The following CLASP2 variants were observed in gnomAD, a reference collection of about 807,000 sequenced individuals.
CLASP2 encodes the protein CLIP-associating protein 2.
Under a neutral mutation model 194.4 loss-of-function variants are expected in CLASP2, and 47 were observed. That is an observed-to-expected ratio of 0.24 (90% CI 0.19 to 0.31). The LOEUF (loss-of-function observed/expected upper bound fraction) is 0.31, where lower values mean the gene tolerates loss of function less well. Among genes scored for constraint, CLASP2 ranks in the 10% least tolerant of loss-of-function variants. CLASP2 has a pLI of 1.00. For synonymous variants in CLASP2, 619 were observed against 633.5 expected, an observed-to-expected ratio of 0.98 and a Z score of 0.34; for missense variants, 1,445 against 1,823.6, an observed-to-expected ratio of 0.79 and a Z score of 3.78.
intron 31 of CLASP2, among the ~76,000 whole-genome samples, chr3:33,543,822 C>G (rs2058742887): frequency 6.6e-6 from 1 of 152,146 alleles, no homozygotes; most frequent in Non-Finnish European, 1.5e-5. Flanking sequence ...AAATTAGCTT[C>G]CTGTTCTGAG....
chr3:33,522,569 G>A (rs2053425721), intron 34 of CLASP2, among the ~76,000 whole-genome samples: 1 of 152,070 alleles, frequency 6.6e-6, no homozygotes, highest in African/African-American at 2.4e-5. Context: ...TAAATAAACA[G>A]AAACTGCCCT....
intron 3 of CLASP2, among the ~76,000 whole-genome samples, chr3:33,688,891 T>C (rs1361108422): frequency 6.6e-6 from 1 of 152,144 alleles, no homozygotes; most frequent in Non-Finnish European, 1.5e-5. Context: ...TACCACACTT[T>C]TCTGTTAGAA....
intron 1 of CLASP2, among the ~76,000 whole-genome samples, chr3:33,701,531 A>C (rs1194751719): frequency 6.6e-6 from 1 of 152,198 alleles, no homozygotes; most frequent in Non-Finnish European, 1.5e-5. Flanking sequence ...AAAAGTTTGA[A>C]GCTGTAGTGA....
chr3:33,551,544 C>T, intron 29 of CLASP2, 149 bp from the exon 30 acceptor site: 3 of 718,810 alleles, frequency 4.2e-6, no homozygotes, highest in Non-Finnish European at 6.5e-6. Flanking sequence ...GTCTTGCGCT[C>T]CTGGCCTCAA....
intron 7 of CLASP2, among the ~76,000 whole-genome samples, chr3:33,651,041 T>A (rs145993074): frequency 6.6e-6 from 1 of 152,188 alleles, no homozygotes; most frequent in Admixed American, 6.5e-5. Flanking sequence ...TGAACTGATA[T>A]GAGGCTATTT....
At chr3:33,538,067 G>C (rs886518453) in intron 33 of CLASP2, among the ~76,000 whole-genome samples, 1 of 151,662 alleles carries the variant, frequency 6.6e-6, no homozygotes, top group East Asian at 1.9e-4. Flanking sequence ...CGTGAACCCG[G>C]AAGGCAGAGC....
intron 6 of CLASP2, among the ~76,000 whole-genome samples, chr3:33,663,958 T>C (rs2085742369): frequency 6.6e-6 from 1 of 152,162 alleles, no homozygotes; most frequent in Non-Finnish European, 1.5e-5. Context: ...AGATGGCTAA[T>C]ATCACTGATA....
chr3:33,667,642 T>C (rs2086440605), intron 6 of CLASP2, among the ~76,000 whole-genome samples: 1 of 152,126 alleles, frequency 6.6e-6, no homozygotes, highest in African/African-American at 2.4e-5. Context: ...GGTTGTATGA[T>C]CCATTTTGAG....
chr3:33,521,226 TA>T (rs1575800358), intron 34 of CLASP2, among the ~76,000 whole-genome samples: 1 of 152,014 alleles, frequency 6.6e-6, no homozygotes, highest in African/African-American at 2.4e-5. Flanking sequence ...GAATAGAAAA[TA>T]AAAAATTTCC....
rs866186709 is a variant in CLASP2 at position 33,497,325 on chromosome 3, A to T, written c.*1306T>A. ...ATCAAATTCACTTTATATTAGGATT[A>T]AAAAAAAGTAAAGATGAGAAATCAT... On this transcript the variant is annotated 3_prime_UTR_variant, in exon 39 of 39. Coordinates refer to ENST00000682230, the MANE Select transcript of CLASP2 (RefSeq NM_001365631.1). 7 of 152,592 alleles carry T rather than the reference A, an allele frequency of 4.6e-5. No individual in the cohort carries two copies. Among genetic ancestry groups the T allele is most frequent in the Middle Eastern group, 6.8e-3 (2 of 294 alleles). 9.5% of individuals were successfully genotyped at this position (152,592 alleles called of 1,614,324 possible).
At chr3:33,567,475 A>G (rs542721428) in intron 26 of CLASP2, among the ~76,000 whole-genome samples, 1 of 152,310 alleles carries the variant, frequency 6.6e-6, no homozygotes, top group South Asian at 2.1e-4. Context: ...ACCACAGTGA[A>G]GGCAGTTCTT....
intron 21 of CLASP2, among the ~76,000 whole-genome samples, chr3:33,589,517 T>C (rs2068209294): frequency 1.3e-5 from 2 of 152,228 alleles, no homozygotes; most frequent in South Asian, 4.1e-4. Flanking sequence ...ATAATACCTT[T>C]TTTACAAAAG....
At chr3:33,558,979 G>A (rs537105095) in intron 29 of CLASP2, 3 of 365,684 alleles carry the variant, frequency 8.2e-6, no homozygotes, top group Non-Finnish European at 1.5e-5. Flanking sequence ...AAAAGACTTA[G>A]AGTCTGGCAT....
chr3:33,617,311 T>C (rs146545815), intron 12 of CLASP2, among the ~76,000 whole-genome samples: 9 of 152,094 alleles, frequency 5.9e-5, no homozygotes, highest in African/African-American at 2.2e-4. Flanking sequence ...TACATATTTA[T>C]GAAAATTTAT....
chr3:33,535,925 A>G (rs1220176973), intron 33 of CLASP2, among the ~76,000 whole-genome samples: 4 of 147,752 alleles, frequency 2.7e-5, no homozygotes, highest in Admixed American at 1.4e-4. Flanking sequence ...TTTAAGGAGA[A>G]AAAAAAAAAA....
chr3:33,562,891 T>C (rs992606230), intron 27 of CLASP2, among the ~76,000 whole-genome samples: 13 of 152,196 alleles, frequency 8.5e-5, no homozygotes, highest in African/African-American at 3.1e-4. Flanking sequence ...TGGTTTTCAG[T>C]TGTGCTCTAT....
At chr3:33,553,850 G>T (rs1379248264) in intron 29 of CLASP2, among the ~76,000 whole-genome samples, 1 of 152,136 alleles carries the variant, frequency 6.6e-6, no homozygotes, top group Non-Finnish European at 1.5e-5. Flanking sequence ...CCACTAGTGG[G>T]TATATACCCA....
At chr3:33,560,433 T>C (rs1401792277) in intron 28 of CLASP2, among the ~76,000 whole-genome samples, 3 of 151,880 alleles carry the variant, frequency 2.0e-5, no homozygotes, top group African/African-American at 4.8e-5. Context: ...AGTAGAGATA[T>C]GGTTTCACCA....
intron 6 of CLASP2, among the ~76,000 whole-genome samples, chr3:33,665,694 T>A (rs2154335022): frequency 6.6e-6 from 1 of 152,318 alleles, no homozygotes; most frequent in South Asian, 2.1e-4. Flanking sequence ...AACTTATCTT[T>A]AAAGCAAACA....
Sources: gnomAD v4.1 joint callset for allele counts (sites outside exome capture counted in the v4.1 genomes callset) on GRCh38, gnomAD v4.1.1 for gene constraint, MANE v1.5 for transcripts, NCBI Gene and HGNC (gene_info 2026-07-23, HGNC 2026-07-21) for gene names.